Variants in FBXO34 observed in about 807,000 individuals in gnomAD.
The protein encoded by FBXO34 is F-box protein 34.
A neutral mutation model predicts 24.5 loss-of-function variants in FBXO34; 12 were observed. The ratio of observed to expected loss-of-function variants is 0.49; its 90% CI spans 0.31 to 0.79. The LOEUF (loss-of-function observed/expected upper bound fraction) is 0.79. FBXO34 is among the 30% of genes least tolerant of loss of function. FBXO34 has a pLI of 0.04. For missense variants in FBXO34, 823 were observed against 857.7 expected (o/e 0.96, Z 0.51); for synonymous variants, 320 against 311.9 (o/e 1.03, Z -0.27).
At chr14:55,424,652 T>C in the FBXO34 span, among the ~76,000 whole-genome samples, 1 of 152,236 alleles carries the variant, frequency 6.6e-6, no homozygotes. Flanking sequence ...TGTATGCTTT[T>C]ACGAACTGCT....
At chr14:55,356,413 A>G (rs1594770460), downstream of FBXO34, among the ~76,000 whole-genome samples, 2 of 152,230 alleles carry the variant, frequency 1.3e-5, no homozygotes, top group Admixed American at 1.3e-4. Flanking sequence ...TCTACTGTGC[A>G]GTGTCTGACA....
chr14:55,424,286 A>T, the FBXO34 span: 4 of 1,380,316 alleles, frequency 2.9e-6, no homozygotes, highest in Admixed American at 1.7e-5. Flanking sequence ...TGTTAAAAAT[A>T]GCACTATTCA....
the FBXO34 span, among the ~76,000 whole-genome samples, chr14:55,380,875 A>ATATATTT: frequency 2.0e-4 from 22 of 112,700 alleles, no homozygotes; most frequent in African/African-American, 6.5e-4. Flanking sequence ...ATATATATAT[A>ATATATTT]TTTTTTTTTT....
the FBXO34 span, among the ~76,000 whole-genome samples, chr14:55,426,509 G>A: frequency 6.6e-6 from 1 of 152,174 alleles, no homozygotes; most frequent in Middle Eastern, 3.4e-3. Flanking sequence ...TCCCCACAGA[G>A]CTACAGACAA....
At chr14:55,343,059 T>C (rs889610326) in intron 1 of FBXO34, among the ~76,000 whole-genome samples, 4 of 152,184 alleles carry the variant, frequency 2.6e-5, no homozygotes, top group African/African-American at 9.7e-5. Flanking sequence ...AGCACTTTGC[T>C]GAAGTTGCTA....
At chr14:55,302,478 G>T (rs1286885715) in intron 1 of FBXO34, among the ~76,000 whole-genome samples, 2 of 143,438 alleles carry the variant, frequency 1.4e-5, no homozygotes, top group East Asian at 2.0e-4. Context: ...TTTAATTGAG[G>T]CAGGGTCTCA....
At chr14:55,434,313 T>C in the FBXO34 span, among the ~76,000 whole-genome samples, 5 of 152,170 alleles carry the variant, frequency 3.3e-5, no homozygotes, top group Non-Finnish European at 7.3e-5. Flanking sequence ...ACCAGCAGCA[T>C]CAGCAAGCCC....
At chr14:55,331,478 TA>T (rs1883529999) in intron 1 of FBXO34, among the ~76,000 whole-genome samples, 1 of 150,510 alleles carries the variant, frequency 6.6e-6, no homozygotes, top group South Asian at 2.1e-4. Flanking sequence ...AAAGAGCAAA[TA>T]AATACATAAC....
chr14:55,414,089 C>A, the FBXO34 span: 12 of 560,672 alleles, frequency 2.1e-5, no homozygotes, highest in East Asian at 1.3e-4. Flanking sequence ...ATGGCCCTTC[C>A]GGCTAAAAGG....
downstream of FBXO34, chr14:55,369,923 G>GACC (rs756777588): frequency 1.2e-6 from 2 of 1,602,076 alleles, no homozygotes; most frequent in Admixed American, 3.4e-5. Flanking sequence ...AAAGGGCCCT[G>GACC]ACCTGTGTGC....
At chr14:55,368,995 G>GGT, downstream of FBXO34, 2 of 152,648 alleles carry the variant, frequency 1.3e-5, no homozygotes, top group East Asian at 3.9e-4. Context: ...CATTTTCTTT[G>GGT]GTGTGTGGGG....
chr14:55,301,071 T>A (rs2139709120), intron 1 of FBXO34, among the ~76,000 whole-genome samples: 1 of 152,344 alleles, frequency 6.6e-6, no homozygotes, highest in African/African-American at 2.4e-5. Context: ...GTAAACCAAA[T>A]TCCTTGTTAC....
At chr14:55,435,145 A>G in the FBXO34 span, among the ~76,000 whole-genome samples, 2 of 152,244 alleles carry the variant, frequency 1.3e-5, no homozygotes, top group Non-Finnish European at 2.9e-5. Flanking sequence ...TAAGCAGTTT[A>G]GCCTTCTCAG....
the FBXO34 span, chr14:55,440,324 G>A: frequency 8.9e-6 from 14 of 1,569,156 alleles, no homozygotes; most frequent in East Asian, 2.7e-4. Context: ...TAAGAGGAAC[G>A]AAGGCAAAGC....
At chr14:55,411,531 T>A in the FBXO34 span, 3 of 1,457,028 alleles carry the variant, frequency 2.1e-6, no homozygotes, top group Non-Finnish European at 2.8e-6. Flanking sequence ...GAGCCCCAGG[T>A]TCCAGCCTTC....
chr14:55,282,418 C>T (rs1881583947), intron 1 of FBXO34: 3 of 293,032 alleles, frequency 1.0e-5, no homozygotes, highest in Admixed American at 3.2e-5. Context: ...CCACGATAGG[C>T]CCTGCTGACA....
intron 1 of FBXO34, among the ~76,000 whole-genome samples, chr14:55,291,168 A>G (rs1046394701): frequency 6.6e-6 from 1 of 152,152 alleles, no homozygotes; most frequent in Non-Finnish European, 1.5e-5. Flanking sequence ...AAGGGGAACT[A>G]CTGGATCAAA....
chr14:55,369,822 C>G (rs1170395472), downstream of FBXO34: 3 of 1,614,108 alleles, frequency 1.9e-6, no homozygotes, highest in Admixed American at 1.7e-5. Flanking sequence ...GTTTCTTCAT[C>G]GCTGACGCGC....
At chr14:55,415,612 C>G in the FBXO34 span, among the ~76,000 whole-genome samples, 1 of 152,006 alleles carries the variant, frequency 6.6e-6, no homozygotes, top group Admixed American at 6.6e-5. Flanking sequence ...CACCTGTAAT[C>G]CCAGCACTTT....
Sources: allele counts gnomAD v4.1 joint callset (sites outside exome capture counted in the v4.1 genomes callset), GRCh38; gene constraint gnomAD v4.1.1; transcripts MANE v1.5; gene names NCBI Gene and HGNC (gene_info 2026-07-23, HGNC 2026-07-21).